Variants in C12orf42 observed in about 807,000 individuals in gnomAD.
The protein encoded by C12orf42 is chromosome 12 open reading frame 42.
In C12orf42, 25 loss-of-function variants were observed where a neutral mutation model predicts 21.6. That is an observed-to-expected ratio of 1.16 (90% CI 0.84 to 1.62). The LOEUF (loss-of-function observed/expected upper bound fraction) is 1.62, where lower values mean the gene tolerates loss of function less well. C12orf42 is among the 40% of genes most tolerant of loss of function. The pLI, the probability that C12orf42 is intolerant of heterozygous loss-of-function variation, is 0.00. For synonymous variants in C12orf42, 174 were observed against 175.0 expected (o/e 0.99, Z 0.05); for missense variants, 483 against 459.3 (o/e 1.05, Z -0.47).
chr12:103,460,825 G>A (rs896842356), intron 2 of C12orf42, among the ~76,000 whole-genome samples: 15 of 152,122 alleles, frequency 9.9e-5, no homozygotes, highest in African/African-American at 3.6e-4. Flanking sequence ...ATCTTGAGAG[G>A]GTGTAAATTT....
intron 2 of C12orf42, among the ~76,000 whole-genome samples, chr12:103,459,751 G>T (rs569713574): frequency 9.8e-5 from 15 of 152,312 alleles, no homozygotes; most frequent in African/African-American, 2.2e-4. Flanking sequence ...GGGACACTTA[G>T]ATAAAGCCAA....
chr12:103,454,560 C>T (rs1952162743), intron 2 of C12orf42, among the ~76,000 whole-genome samples: 1 of 152,066 alleles, frequency 6.6e-6, no homozygotes, highest in Admixed American at 6.6e-5. Flanking sequence ...ACTTTTTCCT[C>T]AGGTTTCTGT....
At chr12:103,289,712 TG>T (rs900429280) in intron 4 of C12orf42, among the ~76,000 whole-genome samples, 7 of 152,084 alleles carry the variant, frequency 4.6e-5, no homozygotes, top group East Asian at 1.9e-4. Context: ...TTCATTGTGA[TG>T]GGGGGAAAAA....
chr12:103,359,860 T>G (rs2043930810), intron 4 of C12orf42, among the ~76,000 whole-genome samples: 3 of 151,886 alleles, frequency 2.0e-5, no homozygotes, highest in Admixed American at 2.0e-4. Context: ...TGATCGATTT[T>G]TCTTTGTTGA....
chr12:103,560,859 T>C, the C12orf42 span, among the ~76,000 whole-genome samples: 1 of 152,226 alleles, frequency 6.6e-6, no homozygotes, highest in Non-Finnish European at 1.5e-5. Flanking sequence ...TGGTGCCATC[T>C]CAATAAATAT....
downstream of C12orf42, among the ~76,000 whole-genome samples, chr12:103,235,074 G>A (rs550761750): frequency 6.6e-5 from 10 of 152,110 alleles, no homozygotes; most frequent in Admixed American, 3.3e-4. Flanking sequence ...CTGCCTGAAC[G>A]TCATAAGTGT....
Position 103,484,185 on chromosome 12 carries a change from G to T in C12orf42, c.-21-5738C>A, listed in dbSNP as rs1215660917. Among the ~76,000 whole-genome samples the T allele has an allele frequency of 2.6e-5, 4 of 152,204 alleles. No individual in the cohort carries two copies. In the South Asian group the frequency reaches 8.3e-4, roughly 32 times the overall value. The stretch of plus-strand genomic sequence containing the variant: ...CGTTTGTGTATATACCCAGTAATGG[G>T]ATTGCTGGGTCAAATGGTATTTCTA... On this transcript the variant is annotated intron_variant, in intron 1 of 5. Coordinates refer to ENST00000548883, the MANE Select transcript of C12orf42 (RefSeq NM_198521.5).
At chr12:103,379,501 T>C (rs1256154447) in intron 3 of C12orf42, among the ~76,000 whole-genome samples, 1 of 152,224 alleles carries the variant, frequency 6.6e-6, no homozygotes. Flanking sequence ...AACATCTCCT[T>C]GACAGCTATT....
chr12:103,195,030 T>C, the C12orf42 span, among the ~76,000 whole-genome samples: 4 of 152,180 alleles, frequency 2.6e-5, no homozygotes, highest in Non-Finnish European at 5.9e-5. Flanking sequence ...CTCCCACTTA[T>C]AAGCAAGAAT....
At chr12:103,372,003 T>C (rs1362031933) in intron 3 of C12orf42, among the ~76,000 whole-genome samples, 1 of 152,186 alleles carries the variant, frequency 6.6e-6, no homozygotes, top group African/African-American at 2.4e-5. Flanking sequence ...CATTCCATAC[T>C]GCTTCCACAT....
the C12orf42 span, among the ~76,000 whole-genome samples, chr12:103,105,877 AT>A: frequency 1.3e-5 from 2 of 152,218 alleles, no homozygotes; most frequent in Non-Finnish European, 2.9e-5. Context: ...AGAGATGTTA[AT>A]GACAAGGAAG....
At chr12:103,265,850 C>T (rs1402813524), downstream of C12orf42, among the ~76,000 whole-genome samples, 1 of 137,766 alleles carries the variant, frequency 7.3e-6, no homozygotes, top group African/African-American at 2.6e-5. Flanking sequence ...GCAATGGGCA[C>T]ATACTGTTGC....
the C12orf42 span, among the ~76,000 whole-genome samples, chr12:103,129,669 T>C: frequency 6.6e-6 from 1 of 152,244 alleles, no homozygotes; most frequent in South Asian, 2.1e-4. Flanking sequence ...AACACTCATT[T>C]AAGGCATGTT....
At chr12:103,437,348 A>G (rs1385278843) in intron 2 of C12orf42, among the ~76,000 whole-genome samples, 3 of 152,078 alleles carry the variant, frequency 2.0e-5, no homozygotes, top group African/African-American at 7.2e-5. Flanking sequence ...AAAAGAACTA[A>G]AAAAGCAAGC....
At chr12:103,431,644 C>A (rs914544631) in intron 2 of C12orf42, among the ~76,000 whole-genome samples, 6 of 152,164 alleles carry the variant, frequency 3.9e-5, no homozygotes, top group Admixed American at 3.9e-4. Context: ...ACATTACATA[C>A]CCTGGCCCAC....
At chr12:103,410,266 G>C (rs2048732808) in intron 2 of C12orf42, among the ~76,000 whole-genome samples, 2 of 152,114 alleles carry the variant, frequency 1.3e-5, no homozygotes, top group South Asian at 4.1e-4. Flanking sequence ...ACTAAAAGGA[G>C]GCTTAATTTT....
the C12orf42 span, among the ~76,000 whole-genome samples, chr12:103,128,575 G>A: frequency 6.6e-6 from 1 of 152,194 alleles, no homozygotes; most frequent in East Asian, 1.9e-4. Flanking sequence ...CTGGACAAAT[G>A]CATGAAGTTT....
chr12:103,170,891 G>A, the C12orf42 span, among the ~76,000 whole-genome samples: 1 of 152,114 alleles, frequency 6.6e-6, no homozygotes, highest in Non-Finnish European at 1.5e-5. Context: ...AGATCATCTA[G>A]TGCAACTCTT....
At chr12:103,298,998 G>T (rs1377469634), downstream of C12orf42, among the ~76,000 whole-genome samples, 2 of 152,082 alleles carry the variant, frequency 1.3e-5, no homozygotes, top group African/African-American at 4.8e-5. Context: ...ATATAATCAG[G>T]AGGTGAGGGG....
Sources: allele counts gnomAD v4.1 joint callset (sites outside exome capture counted in the v4.1 genomes callset), GRCh38; gene constraint gnomAD v4.1.1; transcripts MANE v1.5; gene names NCBI Gene and HGNC (gene_info 2026-07-23, HGNC 2026-07-21).